Variants in PTPRN2 observed in about 807,000 individuals in gnomAD.
PTPRN2 encodes the protein protein tyrosine phosphatase receptor type N2.
In PTPRN2, 74 loss-of-function variants were observed where a neutral mutation model predicts 118.8. The ratio of observed to expected loss-of-function variants is 0.62; its 90% CI spans 0.52 to 0.76. The LOEUF is 0.76. PTPRN2 is among the 30% of genes least tolerant of loss of function. The probability of loss-of-function intolerance (pLI) is 0.00; values close to 1 mark genes in which losing one functional copy is unlikely to be tolerated. For missense variants in PTPRN2, 1,481 were observed against 1,394.4 expected (o/e 1.06, Z -0.99); for synonymous variants, 641 against 608.0 (o/e 1.05, Z -0.80).
At chr7:158,356,508 T>C (rs922130392) in intron 2 of PTPRN2, among the ~76,000 whole-genome samples, 4 of 152,176 alleles carry the variant, frequency 2.6e-5, no homozygotes, top group African/African-American at 9.7e-5. Flanking sequence ...AAGTTGAACA[T>C]AATCAAAAAC....
At chr7:157,999,431 T>C (rs1206639186) in intron 11 of PTPRN2, among the ~76,000 whole-genome samples, 1 of 152,182 alleles carries the variant, frequency 6.6e-6, no homozygotes, top group Non-Finnish European at 1.5e-5. Context: ...TACACAAAGA[T>C]AAAGCAGCCC....
intron 11 of PTPRN2, among the ~76,000 whole-genome samples, chr7:157,970,417 A>G (rs1168442781): frequency 6.6e-6 from 1 of 152,192 alleles, no homozygotes; most frequent in Non-Finnish European, 1.5e-5. Flanking sequence ...TGACAATCCC[A>G]GGGGAAGAAA....
chr7:158,003,695 G>T lies in PTPRN2; in HGVS notation c.1723+77603C>A, dbSNP rs1474736152. The stretch of plus-strand genomic sequence containing the variant: ...ACCCGAGCTGACTGACAGGGGTGGG[G>T]AAGCACGCCATCCGGGCTCCAGCCC... On this transcript the variant is annotated intron_variant, in intron 11 of 22. Coordinates refer to ENST00000389418, the MANE Select transcript of PTPRN2 (RefSeq NM_002847.5). This position sits in a 1 kb window ranked among gnomAD's most constrained non-coding sequence, Gnocchi z 5.0. 6.6e-6 allele frequency among the ~76,000 whole-genome samples: 1 copy of T among 151,960 alleles called. No individual in the cohort carries two copies. Among genetic ancestry groups the T allele is most frequent in the Non-Finnish European group, 1.5e-5 (1 of 68,004 alleles).
At chr7:158,145,760 G>A (rs929446264) in intron 6 of PTPRN2, among the ~76,000 whole-genome samples, 2 of 152,172 alleles carry the variant, frequency 1.3e-5, no homozygotes, top group Non-Finnish European at 2.9e-5. Context: ...ATTGCAGCTA[G>A]GACCTTAGAC....
intron 2 of PTPRN2, among the ~76,000 whole-genome samples, chr7:158,395,992 G>A (rs1381426619): frequency 6.6e-6 from 1 of 152,054 alleles, no homozygotes; most frequent in African/African-American, 2.4e-5. Context: ...CAGTCCCGCC[G>A]CGACCCATGG....
chr7:157,631,494 C>G (rs1376898191), intron 14 of PTPRN2, among the ~76,000 whole-genome samples: 4 of 152,090 alleles, frequency 2.6e-5, no homozygotes, highest in African/African-American at 9.7e-5. Flanking sequence ...GTCAGGAGAT[C>G]GAGACCATCC....
rs567639552 is a variant in PTPRN2 at position 158,275,644 on chromosome 7, C to T, written c.277+41175G>A. 2.8e-4 allele frequency among the ~76,000 whole-genome samples: 43 copies of T among 152,340 alleles called. 1 individual carries two copies. The highest frequency in any genetic ancestry group is 1.4e-3 in the East Asian group (7 of 5,184). ...TAATAATTTAAAATTGCTAATTGCACGTAATCGCAAGTAATTTTTGTTCTT... is the reference window on the plus strand; with the variant it reads ...TAATAATTTAAAATTGCTAATTGCATGTAATCGCAAGTAATTTTTGTTCTT... On this transcript the variant is annotated intron_variant, in intron 3 of 22. Transcript: ENST00000389418.
chr7:157,951,613 G>C (rs551487145), intron 11 of PTPRN2, among the ~76,000 whole-genome samples: 1 of 152,184 alleles, frequency 6.6e-6, no homozygotes, highest in African/African-American at 2.4e-5. Flanking sequence ...AAAGGGAAAC[G>C]CCTTACTAAA....
At chr7:157,663,609 C>T (rs564410811) in intron 13 of PTPRN2, among the ~76,000 whole-genome samples, 1 of 152,284 alleles carries the variant, frequency 6.6e-6, no homozygotes, top group East Asian at 1.9e-4. Context: ...TTCTGGGCCA[C>T]CTGCCAGAGC....
At chr7:158,335,486 G>A (rs1586336770) in intron 2 of PTPRN2, among the ~76,000 whole-genome samples, 4 of 45,906 alleles carry the variant, frequency 8.7e-5, no homozygotes, top group South Asian at 1.3e-3. Flanking sequence ...AAGAGCTGAT[G>A]CCTGCAGACG....
chr7:158,108,056 C>T (rs1269075158), intron 10 of PTPRN2, among the ~76,000 whole-genome samples: 1 of 151,798 alleles, frequency 6.6e-6, no homozygotes, highest in Non-Finnish European at 1.5e-5. Context: ...CTCAGCATAG[C>T]CCCTTCCTAC....
chr7:158,341,405 C>T (rs1218244413), intron 2 of PTPRN2, among the ~76,000 whole-genome samples: 28 of 149,122 alleles, frequency 1.9e-4, no homozygotes, highest in South Asian at 6.5e-4. Flanking sequence ...TAAGAGCTGT[C>T]GCCCGCAGAG....
intron 1 of PTPRN2, among the ~76,000 whole-genome samples, chr7:158,510,277 G>A (rs78059540): frequency 0.013 from 1,948 of 152,286 alleles, 49 homozygotes; most frequent in African/African-American, 0.045. Context: ...CCCAATGACA[G>A]AACAACTTAG....
At chr7:158,266,737 G>A (rs527270259) in intron 3 of PTPRN2, among the ~76,000 whole-genome samples, 10 of 152,350 alleles carry the variant, frequency 6.6e-5, no homozygotes, top group African/African-American at 2.2e-4. Context: ...TGAGAGTTCT[G>A]TAATTTTTGA....
intron 11 of PTPRN2, among the ~76,000 whole-genome samples, chr7:158,053,845 A>G (rs1809532259): frequency 2.0e-5 from 3 of 149,096 alleles, no homozygotes; most frequent in Admixed American, 2.0e-4. Context: ...GACCCCAGAG[A>G]CGCAGAGACT....
chr7:158,106,332 C>A (rs774207800), intron 10 of PTPRN2, among the ~76,000 whole-genome samples: 5 of 152,118 alleles, frequency 3.3e-5, no homozygotes, highest in African/African-American at 7.2e-5. Context: ...TTCTGAGCTT[C>A]ATCTCAGCTC....
chr7:157,683,006 C>A, intron 12 of PTPRN2, 69 bp from the exon 13 acceptor site: 1 of 1,332,230 alleles, frequency 7.5e-7, no homozygotes, highest in Non-Finnish European at 1.1e-6. Context: ...CACACGTCTC[C>A]AAATGCAACT....
At chr7:157,998,836 A>C (rs1460539130) in intron 11 of PTPRN2, among the ~76,000 whole-genome samples, 1 of 151,802 alleles carries the variant, frequency 6.6e-6, no homozygotes, top group African/African-American at 2.4e-5. Context: ...AAAAAAAAAA[A>C]ACTCTACTTC....
At chr7:158,181,083 A>ACG (rs1824663590) in intron 5 of PTPRN2, among the ~76,000 whole-genome samples, 1 of 152,180 alleles carries the variant, frequency 6.6e-6, no homozygotes, top group Admixed American at 6.5e-5. Flanking sequence ...GGTTTATCAT[A>ACG]TATGGCTTTT....
Sources: gnomAD v4.1 joint callset for allele counts (sites outside exome capture counted in the v4.1 genomes callset) on GRCh38, gnomAD v4.1.1 for gene constraint, Gnocchi (gnomAD v3.1) non-coding constraint, MANE v1.5 for transcripts, NCBI Gene and HGNC (gene_info 2026-07-23, HGNC 2026-07-21) for gene names.